MYOZ3: variants seen among roughly 807,000 people sequenced by gnomAD.
The protein encoded by MYOZ3 is myozenin-3.
A neutral mutation model predicts 26.5 loss-of-function variants in MYOZ3; 19 were observed. That is an observed-to-expected ratio of 0.72 (90% CI 0.50 to 1.05). MYOZ3 has a LOEUF of 1.05. MYOZ3 is among the 50% of genes least tolerant of loss of function. MYOZ3 has a pLI of 0.00. For missense variants in MYOZ3, 322 were observed against 337.1 expected, an observed-to-expected ratio of 0.96 and a Z score of 0.35; for synonymous variants, 135 against 138.8, an observed-to-expected ratio of 0.97 and a Z score of 0.19.
rs146106750 is a variant in MYOZ3, at chr5:150,664,632, C to T, written c.61+1630C>T. Among the ~76,000 whole-genome samples the T allele has an allele frequency of 3.7e-3, 557 of 152,324 alleles. 2 individuals carry two copies. Among genetic ancestry groups the T allele is most frequent in the African/African-American group, 0.013 (531 of 41,566 alleles). ...TTGTGTCATTTCATCCCCACCACAA[C>T]TCCCTAAGTTAGATATTCTCCTCAT... On this transcript the variant is annotated intron_variant, in intron 2 of 6. Transcript: ENST00000517768.
intron 6 of MYOZ3, among the ~76,000 whole-genome samples, chr5:150,675,067 TCTC>T (rs533285541): frequency 1.6e-3 from 237 of 152,238 alleles, no homozygotes; most frequent in Non-Finnish European, 2.2e-3. Flanking sequence ...ATACATAGGT[TCTC>T]TTTTAAAAAA....
chr5:150,676,993 A>G lies in MYOZ3; in HGVS notation c.*118A>G. The G allele has an allele frequency of 2.9e-6, 3 of 1,039,438 alleles. No individual in the cohort carries two copies. Among genetic ancestry groups the G allele is most frequent in the Non-Finnish European group, 1.4e-6 (1 of 720,826 alleles). The allele number at this position is 1,039,438 out of a possible 1,614,324, so 64.4% of individuals were successfully genotyped here. On this transcript the variant is annotated 3_prime_UTR_variant, in exon 7 of 7. Transcript: ENST00000517768. Reference sequence around the variant, plus strand: ...CTTCACACACAAAACCTGATTGCAAATGGCTTCAGAGGTCACCAAGTTCAG... The same window carrying G: ...CTTCACACACAAAACCTGATTGCAAGTGGCTTCAGAGGTCACCAAGTTCAG...
At chr5:150,668,820 A>G (rs1191214130) in intron 2 of MYOZ3, among the ~76,000 whole-genome samples, 1 of 152,242 alleles carries the variant, frequency 6.6e-6, no homozygotes. Flanking sequence ...TCACCCTGAA[A>G]ATCCTCTAAA....
Position 150,676,877 on chromosome 5 carries a change from C to A in MYOZ3, c.*2C>A. 1 of 1,605,866 alleles carries A rather than the reference C, an allele frequency of 6.2e-7. No individual in the cohort carries two copies. Among genetic ancestry groups the A allele is most frequent in the Non-Finnish European group, 8.5e-7 (1 of 1,178,026 alleles). ...CTCCCAGAGTCCGAGGAGCTGTAGCCCTAGCCTGAATCTTCAGTTCCCCAG... is the reference window on the plus strand; with the variant it reads ...CTCCCAGAGTCCGAGGAGCTGTAGCACTAGCCTGAATCTTCAGTTCCCCAG... On this transcript the variant is annotated 3_prime_UTR_variant, in exon 7 of 7. Coordinates refer to ENST00000517768, the MANE Select transcript of MYOZ3 (RefSeq NM_001122853.3).
At chr5:150,665,746 T>C (rs1469220318) in intron 2 of MYOZ3, among the ~76,000 whole-genome samples, 1 of 151,922 alleles carries the variant, frequency 6.6e-6, no homozygotes, top group Non-Finnish European at 1.5e-5. Flanking sequence ...TTTTTAAATA[T>C]TGAGCTCAGC....
rs369592333 is a variant in MYOZ3, at chr5:150,671,895, C to A, written c.411C>A (p.Ser137Arg). 2 of 1,552,862 alleles carry A rather than the reference C, an allele frequency of 1.3e-6. No individual in the cohort carries two copies. Among genetic ancestry groups the A allele is most frequent in the Middle Eastern group, 1.8e-4 (1 of 5,714 alleles). The change falls in exon 5 of 7, where the codon AGC (serine) becomes AGA (arginine). Residue 137 changes from serine to arginine, a missense_variant. Physicochemically the swap from Ser to Arg is moderately radical, Grantham distance 110 (BLOSUM62 -1). Coordinates refer to ENST00000517768, the MANE Select transcript of MYOZ3 (RefSeq NM_001122853.3). The part of the protein sequence containing the change: ...AAPAGCVPSP[S>R]ALAPGYAEPL... ...CTGCTGGGTGCGTCCCCAGCCCCAGCGCCCTGGCGCCAGGTGAGTGGCCTC... is the reference window on the plus strand; with the variant it reads ...CTGCTGGGTGCGTCCCCAGCCCCAGAGCCCTGGCGCCAGGTGAGTGGCCTC...
chr5:150,670,453 G>C (rs768063180), intron 2 of MYOZ3, 31 bp from the exon 3 acceptor site: 13 of 1,579,352 alleles, frequency 8.2e-6, no homozygotes, highest in Non-Finnish European at 1.1e-5. Context: ...GGGATGGGGT[G>C]GTGAGAGCCC....
intron 2 of MYOZ3, among the ~76,000 whole-genome samples, chr5:150,665,940 C>T (rs1182868923): frequency 1.3e-5 from 2 of 150,700 alleles, no homozygotes; most frequent in African/African-American, 4.9e-5. Flanking sequence ...GAGGCTGAGG[C>T]AGGAGAATCG....
chr5:150,662,746 C>A (rs932263911), intron 1 of MYOZ3, among the ~76,000 whole-genome samples, 195 bp from the exon 2 acceptor site: 1 of 152,224 alleles, frequency 6.6e-6, no homozygotes, highest in Admixed American at 6.5e-5. Context: ...TTGAGCACCT[C>A]CCTCTCGTTC....
chr5:150,672,041 C>T (rs1758924166), intron 5 of MYOZ3, 133 bp downstream of exon 5: 2 of 1,338,992 alleles, frequency 1.5e-6, no homozygotes, highest in East Asian at 2.5e-5. Context: ...CGCGCGCACT[C>T]CCCTCGCCAG....
At chr5:150,672,838 G>C (rs1161765554) in intron 6 of MYOZ3, 3 of 274,272 alleles carry the variant, frequency 1.1e-5, no homozygotes, top group Non-Finnish European at 2.0e-5. Flanking sequence ...AGGAAGCACC[G>C]GCAGGGCCGG....
intron 6 of MYOZ3, 100 bp from the exon 7 acceptor site, chr5:150,676,607 G>A: frequency 9.7e-7 from 1 of 1,027,348 alleles, no homozygotes; most frequent in Non-Finnish European, 1.4e-6. Context: ...CTGAGGCTCA[G>A]AGAGCGGCAG....
rs909963672 is a variant in MYOZ3 at position 150,666,860 on chromosome 5, A to G, written c.62-3624A>G. Among the ~76,000 whole-genome samples, 11 of 151,762 alleles carry G rather than the reference A, an allele frequency of 7.2e-5. No individual in the cohort carries two copies. In the East Asian group the frequency reaches 1.7e-3, roughly 24 times the overall value. On this transcript the variant is annotated intron_variant, in intron 2 of 6. Transcript: ENST00000517768. ...ATTGCAAACTTCACCTCCACCTTCA[A>G]GTGATTCTTGTGCCTCAGCCTCCCA...
At chr5:150,674,734 C>T (rs1230125055) in intron 6 of MYOZ3, among the ~76,000 whole-genome samples, 6 of 152,140 alleles carry the variant, frequency 3.9e-5, no homozygotes, top group South Asian at 2.1e-4. Context: ...GTATTAAGGC[C>T]GGGCGCAGTG....
At chr5:150,671,376 C>A in intron 3 of MYOZ3, 1 of 587,222 alleles carries the variant, frequency 1.7e-6, no homozygotes, top group Non-Finnish European at 3.1e-6. Context: ...AATTAAGTAT[C>A]TTGCCCGGAC....
intron 6 of MYOZ3, among the ~76,000 whole-genome samples, chr5:150,673,901 T>C (rs1275725324): frequency 2.0e-5 from 3 of 152,154 alleles, no homozygotes; most frequent in Non-Finnish European, 4.4e-5. Context: ...GACGCCACGG[T>C]CCTGCTCTTC....
At chr5:150,663,558 C>T (rs1476718491) in intron 2 of MYOZ3, among the ~76,000 whole-genome samples, 1 of 152,164 alleles carries the variant, frequency 6.6e-6, no homozygotes, top group African/African-American at 2.4e-5. Context: ...GCTGATTCAT[C>T]AAATGAGTAA....
chr5:150,675,689 A>G (rs1758994420), intron 6 of MYOZ3, among the ~76,000 whole-genome samples: 2 of 152,146 alleles, frequency 1.3e-5, no homozygotes, highest in African/African-American at 2.4e-5. Context: ...ATAGCTTTCT[A>G]TCGTGTGAGC....
intron 6 of MYOZ3, among the ~76,000 whole-genome samples, chr5:150,674,028 G>A (rs992996277): frequency 6.6e-6 from 1 of 152,180 alleles, no homozygotes; most frequent in Admixed American, 6.5e-5. Context: ...AAGGAACTGG[G>A]GGTGATCTGC....
Sources: allele counts gnomAD v4.1 joint callset (sites outside exome capture counted in the v4.1 genomes callset), GRCh38; gene constraint gnomAD v4.1.1; transcripts MANE v1.5; gene names NCBI Gene and HGNC (gene_info 2026-07-23, HGNC 2026-07-21).